NHSL1: variants seen among roughly 807,000 people sequenced by gnomAD.
NHSL1 encodes the protein NHS like 1, also known as NHS-like protein 1.
In NHSL1, 48 loss-of-function variants were observed where a neutral mutation model predicts 95.0. That is an observed-to-expected ratio of 0.51 (90% CI 0.40 to 0.64). The LOEUF is 0.64. NHSL1 is among the 30% of genes least tolerant of loss of function. The probability of loss-of-function intolerance (pLI) is 0.00; values close to 1 mark genes in which losing one functional copy is unlikely to be tolerated. For synonymous variants in NHSL1, 783 were observed against 833.9 expected, an observed-to-expected ratio of 0.94 and a Z score of 1.05; for missense variants, 1,971 against 2,077.7, an observed-to-expected ratio of 0.95 and a Z score of 1.00.
At chr6:138,666,590 CAAAAAAA>C (rs10564684) in intron 1 of NHSL1, among the ~76,000 whole-genome samples, 1 of 89,296 alleles carries the variant, frequency 1.1e-5, no homozygotes, top group South Asian at 4.2e-4. Context: ...GCCTCCATCT[CAAAAAAA>C]AAAAAAAAAA....
intron 1 of NHSL1, among the ~76,000 whole-genome samples, chr6:138,620,253 C>A (rs1304401055): frequency 1.3e-5 from 2 of 152,114 alleles, no homozygotes; most frequent in Non-Finnish European, 2.9e-5. Context: ...AAAAATATTT[C>A]ATGACCTAAA....
rs190427012 is a variant in NHSL1 at position 138,486,398 on chromosome 6, C to T, written c.211+9821G>A. 1.1e-3 allele frequency among the ~76,000 whole-genome samples: 171 copies of T among 152,232 alleles called. 1 individual carries two copies. The highest frequency in any genetic ancestry group is 3.7e-3 in the African/African-American group (152 of 41,530). ...TAATCTAAAGACTTCCTTGAAACTG[C>T]CCTTTCAAAGGTCACCAATCACCAC... On this transcript the variant is annotated intron_variant, in intron 2 of 7. Transcript: ENST00000343505.
chr6:138,617,657 C>T (rs1784598464), intron 1 of NHSL1, among the ~76,000 whole-genome samples: 1 of 152,256 alleles, frequency 6.6e-6, no homozygotes, highest in Non-Finnish European at 1.5e-5. Context: ...CACGCAGACA[C>T]ACATACACAA....
intron 1 of NHSL1, among the ~76,000 whole-genome samples, chr6:138,542,394 G>A (rs1402760526): frequency 1.3e-5 from 2 of 152,202 alleles, no homozygotes; most frequent in African/African-American, 4.8e-5. Flanking sequence ...TGACAGCTCT[G>A]GGAAACTAAT....
At chr6:138,604,889 T>C (rs949514558) in intron 1 of NHSL1, among the ~76,000 whole-genome samples, 9 of 152,174 alleles carry the variant, frequency 5.9e-5, no homozygotes, top group African/African-American at 1.9e-4. Context: ...GACTCCAAAG[T>C]GCTAGGATTA....
chr6:138,524,722 C>T (rs924039614), intron 1 of NHSL1, among the ~76,000 whole-genome samples: 1 of 151,946 alleles, frequency 6.6e-6, no homozygotes, highest in South Asian at 2.1e-4. Flanking sequence ...TTTGCTGGGT[C>T]AGAGTGTGTG....
intron 1 of NHSL1, chr6:138,651,059 A>G (rs1785085977): frequency 2.6e-6 from 1 of 385,058 alleles, no homozygotes; most frequent in Admixed American, 3.4e-5. Flanking sequence ...TCGTATTTTG[A>G]TAACATGCCA....
chr6:138,487,787 A>G (rs541372230), intron 2 of NHSL1, among the ~76,000 whole-genome samples: 1 of 152,312 alleles, frequency 6.6e-6, no homozygotes, highest in South Asian at 2.1e-4. Context: ...GGAATCACTA[A>G]TGACAACAAA....
intron 1 of NHSL1, among the ~76,000 whole-genome samples, chr6:138,558,564 C>T (rs1270800119): frequency 1.3e-5 from 2 of 151,888 alleles, no homozygotes; most frequent in Non-Finnish European, 2.9e-5. Context: ...GCTGGGACTA[C>T]AGGAGCACAC....
At chr6:138,602,168 A>T (rs998271968) in intron 1 of NHSL1, among the ~76,000 whole-genome samples, 1 of 152,210 alleles carries the variant, frequency 6.6e-6, no homozygotes, top group Non-Finnish European at 1.5e-5. Context: ...AGGAGAATTG[A>T]TATCTTTACT....
chr6:138,669,232 C>T (rs1256097050), intron 1 of NHSL1, among the ~76,000 whole-genome samples: 1 of 151,982 alleles, frequency 6.6e-6, no homozygotes, highest in Non-Finnish European at 1.5e-5. Flanking sequence ...AATCTAGACC[C>T]CTCTCAAAGC....
chr6:138,644,001 TAA>T (rs375486600), intron 1 of NHSL1, among the ~76,000 whole-genome samples: 68 of 127,812 alleles, frequency 5.3e-4, no homozygotes, highest in Admixed American at 7.1e-4. Flanking sequence ...CATCTAAGAT[TAA>T]AAAAAAAAAA....
chr6:138,677,722 T>G (rs984801719), intron 1 of NHSL1, among the ~76,000 whole-genome samples: 1 of 152,224 alleles, frequency 6.6e-6, no homozygotes, highest in Non-Finnish European at 1.5e-5. Flanking sequence ...CAGTGGATAC[T>G]GCAAATGGTA....
At chr6:138,503,334 T>C (rs59240616), upstream of NHSL1, among the ~76,000 whole-genome samples, 18,322 of 152,216 alleles carry the variant, frequency 0.12, 1,995 homozygotes, top group East Asian at 0.38. Flanking sequence ...CTTTGTCCTA[T>C]GCTATTTACT....
intron 1 of NHSL1, among the ~76,000 whole-genome samples, chr6:138,497,298 T>C (rs1780411310): frequency 6.6e-6 from 1 of 152,210 alleles, no homozygotes; most frequent in Admixed American, 6.5e-5. Flanking sequence ...ACCTGCCATG[T>C]AACCCAGGCA....
upstream of NHSL1, among the ~76,000 whole-genome samples, chr6:138,572,847 G>GTAGGTAGA (rs1491371552): frequency 6.7e-6 from 1 of 149,738 alleles, no homozygotes; most frequent in Admixed American, 6.6e-5. Flanking sequence ...GCTTAATACA[G>GTAGGTAGA]TAGATAGATA....
intron 1 of NHSL1, among the ~76,000 whole-genome samples, chr6:138,675,046 TAAA>T (rs11354812): frequency 5.0e-5 from 7 of 141,208 alleles, no homozygotes; most frequent in Admixed American, 7.1e-5. Flanking sequence ...ACCAGTCTCC[TAAA>T]AAAAAAAAAA....
At position 138,423,897 on chromosome 6, in the gene NHSL1, G is replaced by A; in HGVS notation, c.*184C>T. 1 of 442,824 alleles carries A rather than the reference G, an allele frequency of 2.3e-6. No homozygotes were observed. The highest frequency in any genetic ancestry group is 3.7e-6 in the Non-Finnish European group (1 of 269,084). 27.4% of individuals were successfully genotyped at this position (442,824 alleles called of 1,614,324 possible). On this transcript the variant is annotated 3_prime_UTR_variant, in exon 8 of 8. Coordinates refer to ENST00000343505, the MANE Select transcript of NHSL1 (RefSeq NM_001144060.2). Reference sequence around the variant, plus strand: ...CTTCTACTTGTTCTTAAGCCACAGGGCAAGTGCCAGGTGAGTCCTAAATAA... The same window carrying A: ...CTTCTACTTGTTCTTAAGCCACAGGACAAGTGCCAGGTGAGTCCTAAATAA...
intron 1 of NHSL1, among the ~76,000 whole-genome samples, chr6:138,654,272 A>C (rs1287033651): frequency 6.6e-6 from 1 of 152,076 alleles, no homozygotes; most frequent in East Asian, 1.9e-4. Context: ...ATATGCTTGC[A>C]AAAAAAATTA....
Sources: allele counts gnomAD v4.1 joint callset (sites outside exome capture counted in the v4.1 genomes callset), GRCh38; gene constraint gnomAD v4.1.1; transcripts MANE v1.5; gene names NCBI Gene and HGNC (gene_info 2026-07-23, HGNC 2026-07-21).